ZP2: variants seen among roughly 807,000 people sequenced by gnomAD.
ZP2 encodes the protein zona pellucida sperm-binding protein 2.
In ZP2, 51 loss-of-function variants were observed where a neutral mutation model predicts 84.0. The ratio of observed to expected loss-of-function variants is 0.61; its 90% CI spans 0.49 to 0.77. The LOEUF is 0.77. Among genes scored for constraint, ZP2 ranks in the 30% least tolerant of loss-of-function variants. ZP2 has a pLI of 0.00. For synonymous variants in ZP2, 375 were observed against 330.9 expected, an observed-to-expected ratio of 1.13 and a Z score of -1.45; for missense variants, 909 against 911.9, an observed-to-expected ratio of 1.00 and a Z score of 0.04.
chr16:21,198,266 G>A (rs2093208846), intron 17 of ZP2, among the ~76,000 whole-genome samples: 1 of 151,928 alleles, frequency 6.6e-6, no homozygotes, highest in African/African-American at 2.4e-5. Flanking sequence ...ACAGTGGCAG[G>A]TGCCTGTAAT....
intron 17 of ZP2, 169 bp from the exon 18 acceptor site, chr16:21,198,018 A>T (rs750115851): frequency 4.9e-6 from 3 of 618,512 alleles, no homozygotes; most frequent in Non-Finnish European, 8.7e-6. Context: ...GCATGTTAAG[A>T]TGCACATGCT....
At chr16:21,199,540 C>T in intron 16 of ZP2, 30 bp downstream of exon 16, 5 of 1,532,572 alleles carry the variant, frequency 3.3e-6, no homozygotes, top group Non-Finnish European at 4.4e-6. Context: ...TTGAATTAGA[C>T]TCACAGAAAC....
At chr16:21,202,052 G>A (rs754062260) in intron 11 of ZP2, 29 bp from the exon 12 acceptor site, 5 of 1,613,520 alleles carry the variant, frequency 3.1e-6, no homozygotes, top group Middle Eastern at 1.7e-4. Flanking sequence ...TGGGTTAGCA[G>A]CCAGTTATGT....
chr16:21,205,249 T>G (rs965338006), intron 7 of ZP2, among the ~76,000 whole-genome samples, 171 bp downstream of exon 7: 5 of 152,206 alleles, frequency 3.3e-5, no homozygotes, highest in African/African-American at 1.2e-4. Flanking sequence ...CGCTTCAGCC[T>G]TCCAAAGTGC....
rs1466849701 is a variant in ZP2 at position 21,206,839 on chromosome 16, G to A, written c.482C>T (p.Ser161Phe). 5 of 1,613,970 alleles carry A rather than the reference G, an allele frequency of 3.1e-6. No homozygotes were observed. Among genetic ancestry groups the A allele is most frequent in the Non-Finnish European group, 4.2e-6 (5 of 1,180,010 alleles). Residue 161 changes from serine (S) to phenylalanine (F), a missense_variant and splice_region_variant, in exon 5 of 19, where the codon TCT becomes TTT. Ser to Phe is a radical substitution (Grantham distance 155). Transcript: ENST00000574091. ...GAGCAGTCAGCCCGTTTCACTCACA[G>A]ACATGAAATCCTTCTGGCAGATTGT... ...ASTICQKDFM[S>F]FSLPRVFSGL...
chr16:21,202,824 A>T (rs558603170), intron 10 of ZP2, among the ~76,000 whole-genome samples: 241 of 152,198 alleles, frequency 1.6e-3, no homozygotes, highest in Admixed American at 5.2e-3. Flanking sequence ...GGGTACTTAA[A>T]CTTAATTCTA....
At position 21,205,575 on chromosome 16, in the gene ZP2, C is replaced by T. The variant is rs770316449; in HGVS notation, c.538G>A (p.Val180Ile). Residue 180 changes from valine to isoleucine, a missense_variant, in exon 7 of 19, where the codon GTT becomes ATT. By Grantham distance (29) the Val-to-Ile change is conservative. Coordinates refer to ENST00000574091, the MANE Select transcript of ZP2 (RefSeq NM_001376232.1). ...GLADDSKGTK[V>I]QMGWSIEVGD... ...ACCTCAATGCTCCATCCCATCTGAA[C>T]TTTGGTCCCCTGAAGTCAAAAAGCT... 1.2e-6 allele frequency: 2 copies of T among 1,614,140 alleles called. No individual in the cohort carries two copies. The highest frequency in any genetic ancestry group is 1.7e-5 in the Admixed American group (1 of 60,010).
rs200172756 is a variant in ZP2, at chr16:21,210,179, G to A, written c.165C>T (p.Cys55=). The A allele has an allele frequency of 3.7e-5, 59 of 1,613,790 alleles. No homozygotes were observed. Among genetic ancestry groups the A allele is most frequent in the Middle Eastern group, 3.3e-4 (2 of 6,084 alleles). ...ACTCCACTGTTATTTCCCTTTCATC[G>A]CAAGTGACAGTGCCTAAGGAGCAAA... ...VNPAFPGTVT[C]DEREITVEFP... The change falls in exon 3 of 19, where the codon TGC becomes TGT. Residue 55 remains cysteine, a synonymous_variant. Transcript: ENST00000574091.
intron 14 of ZP2, 50 bp downstream of exon 14, chr16:21,201,319 C>A: frequency 6.8e-7 from 1 of 1,480,490 alleles, no homozygotes; most frequent in Non-Finnish European, 9.0e-7. Flanking sequence ...CCATTACTGG[C>A]AAGTTTTGAT....
At position 21,211,268 on chromosome 16, in the gene ZP2, T is replaced by A. The variant is rs765913145; in HGVS notation, c.151+39A>T. On this transcript the variant is annotated intron_variant, in intron 2 of 18. Transcript: ENST00000574091. Reference sequence around the variant, plus strand: ...CTAGGCCTTCCAGCTGCAACCTGTTTTCTCTGCTAAGAAGACTTCTGTCAC... The same window carrying A: ...CTAGGCCTTCCAGCTGCAACCTGTTATCTCTGCTAAGAAGACTTCTGTCAC... 1.9e-6 allele frequency: 3 copies of A among 1,595,018 alleles called. No individual in the cohort carries two copies. In the South Asian group the frequency reaches 3.3e-5, roughly 18 times the overall value.
rs1231809400 is a variant in ZP2 at position 21,201,408 on chromosome 16, T to A, written c.1655A>T (p.Asp552Val). The A allele has an allele frequency of 1.2e-6, 2 of 1,604,746 alleles. No homozygotes were observed. Among genetic ancestry groups the A allele is most frequent in the Admixed American group, 3.4e-5 (2 of 59,042 alleles). ...GTTCCACTGGGGGAAAGAGTCTGGATCCATGGTGGACGTCGCCCAGCAGTC... is the reference window on the plus strand; with the variant it reads ...GTTCCACTGGGGGAAAGAGTCTGGAACCATGGTGGACGTCGCCCAGCAGTC... ...LDDCWATSTM[D>V]PDSFPQWNVV... is the part of the protein sequence containing the mutation. Residue 552 changes from aspartate (D) to valine (V), a missense_variant, in exon 14 of 19, where the codon GAT becomes GTT. Transcript: ENST00000574091.
rs907387977 is a variant in ZP2 at position 21,209,921 on chromosome 16, C to G, written c.235+188G>C. The G allele has an allele frequency of 1.4e-5, 10 of 692,274 alleles. 1 individual carries two copies. The Admixed American group carries it at 2.5e-4, about 17-fold the overall frequency. 42.9% of individuals were successfully genotyped at this position (692,274 alleles called of 1,614,324 possible). A position where few individuals can be genotyped will look rare whatever the true frequency, so the allele number is the denominator to read the frequency against. On this transcript the variant is annotated intron_variant, in intron 3 of 18. Coordinates refer to ENST00000574091, the MANE Select transcript of ZP2 (RefSeq NM_001376232.1). Reference sequence around the variant, plus strand: ...GCTTCCCAGAGATGCTGGCATAAGACACACTTTCGAAGACAGACAGGTCTT... The same window carrying G: ...GCTTCCCAGAGATGCTGGCATAAGAGACACTTTCGAAGACAGACAGGTCTT...
At chr16:21,210,213 T>C (rs760110844) in intron 2 of ZP2, 21 bp from the exon 3 acceptor site, 19 of 1,602,680 alleles carry the variant, frequency 1.2e-5, no homozygotes, top group Non-Finnish European at 1.5e-5. Flanking sequence ...AAGGAAGCAT[T>C]TGGGGGCTTT....
upstream of ZP2, among the ~76,000 whole-genome samples, chr16:21,212,738 A>T (rs1240039569): frequency 6.6e-6 from 1 of 152,328 alleles, no homozygotes; most frequent in East Asian, 1.9e-4. Context: ...ACTTCTGGGT[A>T]AAAGGGAGTA....
At position 21,202,253 on chromosome 16, in the gene ZP2, C is replaced by A. The variant is rs556567352; in HGVS notation, c.1138G>T (p.Val380Phe). 100 of 1,552,266 alleles carry A rather than the reference C, an allele frequency of 6.4e-5. No homozygotes were observed. In the South Asian group the frequency reaches 1.1e-3, roughly 17 times the overall value. Reference sequence around the variant, plus strand: ...TGTGTTTGGTAGCTGTAGACCTCGACGTCCATAAACCCATCCTGGGTGCAC... The same window carrying A: ...TGTGTTTGGTAGCTGTAGACCTCGAAGTCCATAAACCCATCCTGGGTGCAC... The part of the protein sequence containing the change: ...ELCTQDGFMD[V>F]EVYSYQTQPA... The change falls in exon 11 of 19, where the codon GTC (valine) becomes TTC (phenylalanine). Residue 380 changes from valine (V) to phenylalanine (F), a missense_variant. Coordinates refer to ENST00000574091, the MANE Select transcript of ZP2 (RefSeq NM_001376232.1).
At chr16:21,201,588 T>C (rs751282147) in intron 13 of ZP2, 30 bp from the exon 14 acceptor site, 1 of 1,601,670 alleles carries the variant, frequency 6.2e-7, no homozygotes, top group Non-Finnish European at 8.5e-7. Flanking sequence ...AAGTAGTTAA[T>C]GGCTGCAACA....
chr16:21,204,430 T>G (rs2093240461), intron 7 of ZP2, 26 bp from the exon 8 acceptor site: 1 of 1,585,880 alleles, frequency 6.3e-7, no homozygotes, highest in Non-Finnish European at 8.6e-7. Context: ...ACAGTGATCT[T>G]CAAAAACATT....
chr16:21,197,884 C>T (rs1443619904), intron 17 of ZP2, 35 bp from the exon 18 acceptor site: 1 of 1,604,004 alleles, frequency 6.2e-7, no homozygotes, highest in Admixed American at 1.7e-5. Flanking sequence ...ACAACATCTT[C>T]ATGCTAGTCG....
intron 9 of ZP2, among the ~76,000 whole-genome samples, chr16:21,203,452 T>C (rs144805260): frequency 1.3e-5 from 2 of 152,312 alleles, no homozygotes; most frequent in African/African-American, 2.4e-5. Context: ...TTTAAACTCA[T>C]GCCCTGGAGT....
Sources: gnomAD v4.1 joint callset for allele counts (sites outside exome capture counted in the v4.1 genomes callset) on GRCh38, gnomAD v4.1.1 for gene constraint, MANE v1.5 for transcripts, NCBI Gene and HGNC (gene_info 2026-07-23, HGNC 2026-07-21) for gene names.